Variants in UGT2B4 observed in about 807,000 individuals in gnomAD.
UGT2B4 encodes the protein UDP glucuronosyltransferase family 2 member B4, also known as UDP-glucuronosyltransferase 2B4.
In UGT2B4, 49 loss-of-function variants were observed where a neutral mutation model predicts 49.8. The observed-to-expected ratio is 0.98, with a 90% CI of 0.78 to 1.25. The LOEUF (loss-of-function observed/expected upper bound fraction) is 1.25, where lower values mean the gene tolerates loss of function less well. Among genes scored for constraint, UGT2B4 ranks in the 50% most tolerant of loss-of-function variants. UGT2B4 has a pLI of 0.00. For missense variants in UGT2B4, 729 were observed against 627.7 expected (o/e 1.16, Z -1.73); for synonymous variants, 246 against 217.7 (o/e 1.13, Z -1.14).
chr4:69,480,907 A>T lies in UGT2B4; in HGVS notation c.1314T>A (p.Tyr438Ter), dbSNP rs772218125. Reference protein sequence around the residue: ...ALKTVINDPLYKENAMKLSRI... With the variant: ...ALKTVINDPL ...TTGATAATTTCATAGCATTCTCTTTATATCTAAACGATAAGCAGAAAAGTA... is the reference window on the plus strand; with the variant it reads ...TTGATAATTTCATAGCATTCTCTTTTTATCTAAACGATAAGCAGAAAAGTA... Residue 438 changes from tyrosine (Y) to a stop codon, truncating the protein, a stop_gained, in exon 6 of 6, where the codon TAT (tyrosine) becomes TAA (stop). Coordinates refer to ENST00000305107, the MANE Select transcript of UGT2B4 (RefSeq NM_021139.3). LOFTEE classifies it high-confidence loss of function. The T allele has an allele frequency of 6.2e-7, 1 of 1,613,002 alleles. No homozygotes were observed. The highest frequency in any genetic ancestry group is 1.1e-5 in the South Asian group (1 of 91,034).
chr4:69,495,027 A>G, intron 1 of UGT2B4, 114 bp downstream of exon 1: 2 of 975,674 alleles, frequency 2.0e-6, no homozygotes, highest in Non-Finnish European at 2.9e-6. Flanking sequence ...ATTTCATTTG[A>G]TAAATTCATT....
At chr4:69,485,101 A>T in intron 5 of UGT2B4, 107 bp downstream of exon 5, 2 of 1,363,562 alleles carry the variant, frequency 1.5e-6, no homozygotes, top group Non-Finnish European at 2.0e-6. Context: ...TAAATCACTT[A>T]AATTCTTTCG....
At chr4:69,519,737 G>A (rs762309863) in intron 1 of UGT2B4, among the ~76,000 whole-genome samples, 1 of 152,190 alleles carries the variant, frequency 6.6e-6, no homozygotes, top group East Asian at 1.9e-4. Context: ...AATGTAAATT[G>A]AGAGTTAATC....
intron 2 of UGT2B4, 68 bp downstream of exon 2, chr4:69,493,625 C>G: frequency 1.3e-6 from 2 of 1,511,136 alleles, no homozygotes; most frequent in Non-Finnish European, 1.8e-6. Flanking sequence ...AAGTCAAACA[C>G]TTTGAATGAA....
intron 1 of UGT2B4, among the ~76,000 whole-genome samples, chr4:69,514,011 T>C (rs1374405163): frequency 1.7e-5 from 1 of 59,264 alleles, no homozygotes; most frequent in African/African-American, 6.3e-5. Flanking sequence ...TTTTTTTAAT[T>C]TTTTTTTATT....
chr4:69,496,159 T>A (rs907735904), upstream of UGT2B4, among the ~76,000 whole-genome samples: 6 of 151,972 alleles, frequency 3.9e-5, no homozygotes, highest in African/African-American at 1.4e-4. Flanking sequence ...TAGCTGGGAC[T>A]ACAGACAGGC....
In UGT2B4 at chr4:69,515,203, A is replaced by T. The variant is rs1728700438; in HGVS notation, c.-106+10484T>A. 2.0e-5 allele frequency among the ~76,000 whole-genome samples: 3 copies of T among 152,212 alleles called. 1 individual carries two copies. Among genetic ancestry groups the T allele is most frequent in the African/African-American group, 7.2e-5 (3 of 41,440 alleles). On this transcript the variant is annotated intron_variant, in intron 1 of 1. Coordinates refer to the UGT2B4 transcript ENST00000510114. ...GATATCTGCAGAACTCTTTACCCAA[A>T]TTTAACAGAATATACATTCTTATCA...
intron 1 of UGT2B4, among the ~76,000 whole-genome samples, chr4:69,515,577 C>T (rs1350868708): frequency 6.6e-6 from 1 of 152,034 alleles, no homozygotes; most frequent in African/African-American, 2.4e-5. Flanking sequence ...AAGTTAATAA[C>T]CTAACATCTC....
At chr4:69,502,858 C>T (rs1314474913) in intron 1 of UGT2B4, among the ~76,000 whole-genome samples, 4 of 152,168 alleles carry the variant, frequency 2.6e-5, no homozygotes, top group Admixed American at 1.3e-4. Context: ...GCCTGACCAT[C>T]CCCCATGGAT....
intron 1 of UGT2B4, among the ~76,000 whole-genome samples, chr4:69,506,329 A>G (rs1023377441): frequency 6.6e-6 from 1 of 152,022 alleles, no homozygotes; most frequent in African/African-American, 2.4e-5. Context: ...ATAGAATTCT[A>G]GCTACAATAA....
intron 3 of UGT2B4, among the ~76,000 whole-genome samples, chr4:69,488,062 G>A: frequency 6.6e-6 from 1 of 152,030 alleles, no homozygotes; most frequent in East Asian, 1.9e-4. Context: ...ATGCTGCAAA[G>A]GTAGCATGTA....
chr4:69,500,511 GGAAGGAAAGAAA>G (rs1728273102), upstream of UGT2B4, among the ~76,000 whole-genome samples: 1 of 127,166 alleles, frequency 7.9e-6, no homozygotes, highest in Non-Finnish European at 1.7e-5. Context: ...AAAGAAGGAA[GGAAGGAAAGAAA>G]GAAAGAAAGA....
chr4:69,518,042 T>C (rs991937079), intron 1 of UGT2B4: 3 of 152,334 alleles, frequency 2.0e-5, no homozygotes, highest in African/African-American at 7.2e-5. Flanking sequence ...AAAATTTCTC[T>C]AGATTCAGAA....
chr4:69,487,264 A>G (rs1727818679), intron 3 of UGT2B4, among the ~76,000 whole-genome samples: 1 of 152,212 alleles, frequency 6.6e-6, no homozygotes, highest in Admixed American at 6.5e-5. Flanking sequence ...TAGAACATGC[A>G]CATGTATGTT....
intron 1 of UGT2B4, among the ~76,000 whole-genome samples, chr4:69,521,509 G>A (rs1300140961): frequency 1.3e-5 from 2 of 152,214 alleles, no homozygotes; most frequent in African/African-American, 4.8e-5. Flanking sequence ...GCTGGTGCCT[G>A]GAGCTGCCCA....
intron 3 of UGT2B4, among the ~76,000 whole-genome samples, chr4:69,488,780 C>T (rs1727870167): frequency 1.3e-5 from 2 of 152,058 alleles, no homozygotes; most frequent in African/African-American, 4.8e-5. Context: ...CTTTCATCTG[C>T]CTACTTCAGA....
chr4:69,519,259 T>G (rs1405033110), intron 1 of UGT2B4, among the ~76,000 whole-genome samples: 1 of 152,196 alleles, frequency 6.6e-6, no homozygotes, highest in Non-Finnish European at 1.5e-5. Flanking sequence ...AATTGGCATA[T>G]AAAAGCAAAA....
intron 2 of UGT2B4, among the ~76,000 whole-genome samples, chr4:69,493,378 G>A (rs779636115): frequency 4.6e-5 from 7 of 152,000 alleles, no homozygotes; most frequent in South Asian, 2.1e-4. Context: ...TCCCATACAC[G>A]TACCTGTGGT....
At chr4:69,495,927 C>G, upstream of UGT2B4, 11 of 1,518,914 alleles carry the variant, frequency 7.2e-6, no homozygotes, top group Non-Finnish European at 8.8e-6. Flanking sequence ...TGGTGACATC[C>G]AGTATAAATC....
Sources: allele counts gnomAD v4.1 joint callset (sites outside exome capture counted in the v4.1 genomes callset), GRCh38; gene constraint gnomAD v4.1.1; transcripts MANE v1.5; gene names NCBI Gene and HGNC (gene_info 2026-07-23, HGNC 2026-07-21).